The following DBF4B variants were observed in gnomAD, a reference collection of about 807,000 sequenced individuals.
DBF4B encodes the protein DBF4B-CDC7 kinase regulatory subunit.
Under a neutral mutation model 53.4 loss-of-function variants are expected in DBF4B, and 49 were observed. The ratio of observed to expected loss-of-function variants is 0.92; its 90% CI spans 0.73 to 1.16. The LOEUF (loss-of-function observed/expected upper bound fraction) is 1.16, where lower values mean the gene tolerates loss of function less well. Among genes scored for constraint, DBF4B ranks in the 50% most tolerant of loss-of-function variants. The pLI, the probability that DBF4B is intolerant of heterozygous loss-of-function variation, is 0.00. For synonymous variants in DBF4B, 257 were observed against 288.7 expected, an observed-to-expected ratio of 0.89 and a Z score of 1.11; for missense variants, 692 against 775.0, an observed-to-expected ratio of 0.89 and a Z score of 1.27.
chr17:44,715,966 G>A (rs1465539525), intron 2 of DBF4B, among the ~76,000 whole-genome samples: 2 of 151,272 alleles, frequency 1.3e-5, no homozygotes, highest in African/African-American at 2.4e-5. Context: ...AGGACCACAG[G>A]TGCATGCCAC....
At chr17:44,712,641 A>G (rs1002806131) in intron 2 of DBF4B, among the ~76,000 whole-genome samples, 9 of 151,412 alleles carry the variant, frequency 5.9e-5, no homozygotes, top group Middle Eastern at 3.4e-3. Context: ...GGGTTTTACC[A>G]TGTTAGCCAG....
chr17:44,737,812 T>C (rs973494039), intron 8 of DBF4B, among the ~76,000 whole-genome samples: 5 of 152,196 alleles, frequency 3.3e-5, no homozygotes, highest in Non-Finnish European at 7.3e-5. Flanking sequence ...GTGATATTTT[T>C]CTACCATCCT....
At chr17:44,740,238 G>C (rs1315875485) in intron 9 of DBF4B, among the ~76,000 whole-genome samples, 6 of 152,168 alleles carry the variant, frequency 3.9e-5, no homozygotes, top group Non-Finnish European at 8.8e-5. Flanking sequence ...GGTCCAAGAA[G>C]ACTTATTTGT....
rs902516782 is a variant in DBF4B at position 44,749,181 on chromosome 17, T to C, written c.1189+716T>C. On this transcript the variant is annotated intron_variant, in intron 13 of 13. Transcript: ENST00000315005. The surrounding 1 kb of genome is among the most constrained non-coding windows in gnomAD (Gnocchi z 4.4). ...CCCTCCTGCAGCCCCTGCCAGCCAGTGCGGGAGCCAGCTGTTCCCGATGCC... is the reference window on the plus strand; with the variant it reads ...CCCTCCTGCAGCCCCTGCCAGCCAGCGCGGGAGCCAGCTGTTCCCGATGCC... The C allele has an allele frequency of 3.6e-5, 46 of 1,289,654 alleles. No individual in the cohort carries two copies. Among genetic ancestry groups the C allele is most frequent in the Non-Finnish European group, 4.4e-5 (44 of 988,856 alleles). 79.9% of individuals were successfully genotyped at this position (1,289,654 alleles called of 1,614,324 possible).
chr17:44,735,160 C>T (rs1479615923), intron 7 of DBF4B, among the ~76,000 whole-genome samples: 1 of 152,184 alleles, frequency 6.6e-6, no homozygotes, highest in African/African-American at 2.4e-5. Flanking sequence ...CACACCCTCT[C>T]CTCTAGGAGT....
chr17:44,713,915 T>G (rs1973117027), intron 2 of DBF4B, among the ~76,000 whole-genome samples: 1 of 151,556 alleles, frequency 6.6e-6, no homozygotes, highest in Admixed American at 6.6e-5. Flanking sequence ...TTCTGTGGAA[T>G]TCTTTTTGCC....
chr17:44,738,280 C>A, intron 8 of DBF4B, 99 bp from the exon 9 acceptor site: 1 of 1,347,680 alleles, frequency 7.4e-7, no homozygotes, highest in Non-Finnish European at 1.0e-6. Flanking sequence ...GGCTCTTAGG[C>A]TTTGGCAGAG....
At chr17:44,733,933 G>T (rs1975093286) in intron 6 of DBF4B, 157 bp from the exon 7 acceptor site, 1 of 630,464 alleles carries the variant, frequency 1.6e-6, no homozygotes, top group Middle Eastern at 3.9e-4. Context: ...CCGCTGTCAG[G>T]AGATGCAGAG....
intron 6 of DBF4B, chr17:44,733,829 C>A (rs1032371378): frequency 2.1e-6 from 1 of 470,444 alleles, no homozygotes; most frequent in Non-Finnish European, 3.8e-6. Flanking sequence ...CATGAGGCAC[C>A]TTCTGTTCAA....
intron 13 of DBF4B, 200 bp from the exon 14 acceptor site, chr17:44,750,395 C>T (rs920923167): frequency 1.0e-6 from 1 of 985,186 alleles, no homozygotes; most frequent in Non-Finnish European, 1.2e-6. Context: ...AGGGGGGGCC[C>T]AGCTATGGGT....
chr17:44,748,419 G>A lies in DBF4B; in HGVS notation c.1143G>A (p.Arg381=). The A allele has an allele frequency of 6.2e-7, 1 of 1,614,024 alleles. No homozygotes were observed. The highest frequency in any genetic ancestry group is 1.1e-5 in the South Asian group (1 of 91,066). ...ACCCCCATCAGCCCTCCCATCCCAG[G>A]GCAGCATCTCCCAGGATAAGGAAAG... ...TLHPHQPSHP[R]AASPRIRKED... The change falls in exon 13 of 14, where the codon AGG becomes AGA. Residue 381 remains arginine (R), a synonymous_variant. Transcript: ENST00000315005.
At chr17:44,713,340 C>CGACATTATTTTCATTATGTA (rs1568157923) in intron 2 of DBF4B, among the ~76,000 whole-genome samples, 2 of 150,192 alleles carry the variant, frequency 1.3e-5, no homozygotes, top group African/African-American at 4.9e-5. Context: ...CACGCCCCGC[C>CGACATTATTTTCATTATGTA]GACATTATTT....
At chr17:44,717,169 T>A (rs1408539511) in intron 2 of DBF4B, among the ~76,000 whole-genome samples, 1 of 152,164 alleles carries the variant, frequency 6.6e-6, no homozygotes, top group African/African-American at 2.4e-5. Flanking sequence ...CCCTATCCTC[T>A]GCATTTCTTA....
In DBF4B at chr17:44,749,741, C is replaced by T. The variant is rs2145173316; in HGVS notation, c.1190-854C>T. The T allele has an allele frequency of 8.9e-7, 1 of 1,124,996 alleles. No homozygotes were observed. The highest frequency in any genetic ancestry group is 1.1e-6 in the Non-Finnish European group (1 of 908,042). 69.7% of individuals were successfully genotyped at this position (1,124,996 alleles called of 1,614,324 possible). On this transcript the variant is annotated intron_variant, in intron 13 of 13. Coordinates refer to ENST00000315005, the MANE Select transcript of DBF4B (RefSeq NM_145663.3). The surrounding 1 kb of genome is among the most constrained non-coding windows in gnomAD (Gnocchi z 4.4). ...GAGCTGGGGCAGCAGGAGTCCTGGCCCGGCTTCCTGGCCCTCCACAGGCCC... is the reference window on the plus strand; with the variant it reads ...GAGCTGGGGCAGCAGGAGTCCTGGCTCGGCTTCCTGGCCCTCCACAGGCCC...
intron 3 of DBF4B, among the ~76,000 whole-genome samples, chr17:44,725,630 T>C (rs1250692406): frequency 6.6e-6 from 1 of 151,140 alleles, no homozygotes; most frequent in Non-Finnish European, 1.5e-5. Context: ...CTCCTAGCCC[T>C]TGGTAATGCC....
chr17:44,747,038 G>T, intron 10 of DBF4B, 45 bp from the exon 11 acceptor site: 1 of 1,574,230 alleles, frequency 6.4e-7, no homozygotes, highest in Non-Finnish European at 8.7e-7. Flanking sequence ...CTCCCCCCAA[G>T]GGCCCCAGCA....
chr17:44,717,789 A>G (rs1466884756), intron 2 of DBF4B, among the ~76,000 whole-genome samples: 3 of 150,058 alleles, frequency 2.0e-5, no homozygotes, highest in Admixed American at 6.6e-5. Flanking sequence ...CTGAGGTGAG[A>G]AGATCACTTG....
intron 10 of DBF4B, among the ~76,000 whole-genome samples, chr17:44,744,954 T>C (rs927565975): frequency 6.6e-6 from 1 of 152,188 alleles, no homozygotes; most frequent in Non-Finnish European, 1.5e-5. Flanking sequence ...CTTCTCATAT[T>C]AGAAAAATGA....
Position 44,738,398 on chromosome 17 carries a change from G to A in DBF4B, c.687G>A (p.Pro229=), listed in dbSNP as rs749986101. The change falls in exon 9 of 14, where the codon CCG becomes CCA. Residue 229 remains proline (P), a synonymous_variant. Transcript: ENST00000315005. ...TTTCAGTGGCCAGACTGAAGGCCCCGTTCCTCAAAATCGAAGATGAAAGCA... is the reference window on the plus strand; with the variant it reads ...TTTCAGTGGCCAGACTGAAGGCCCCATTCCTCAAAATCGAAGATGAAAGCA... ...RTRKVARLKA[P]FLKIEDESRK... The A allele has an allele frequency of 7.4e-6, 12 of 1,613,676 alleles. No homozygotes were observed. In the East Asian group the frequency reaches 8.9e-5, roughly 12 times the overall value.
Sources: gnomAD v4.1 joint callset for allele counts (sites outside exome capture counted in the v4.1 genomes callset) on GRCh38, gnomAD v4.1.1 for gene constraint, Gnocchi (gnomAD v3.1) non-coding constraint, MANE v1.5 for transcripts, NCBI Gene and HGNC (gene_info 2026-07-23, HGNC 2026-07-21) for gene names.